AGBL4: variants seen among roughly 807,000 people sequenced by gnomAD.
AGBL4 encodes the protein AGBL carboxypeptidase 4, also known as cytosolic carboxypeptidase 6.
In AGBL4, 58 loss-of-function variants were observed where a neutral mutation model predicts 66.4. The ratio of observed to expected loss-of-function variants is 0.87; its 90% confidence interval spans 0.71 to 1.09. The LOEUF (loss-of-function observed/expected upper bound fraction) is 1.09. Among genes scored for constraint, AGBL4 ranks in the 50% least tolerant of loss-of-function variants. The pLI, the probability that AGBL4 is intolerant of heterozygous loss-of-function variation, is 0.00. For missense variants in AGBL4, 579 were observed against 631.0 expected (o/e 0.92, Z 0.88); for synonymous variants, 234 against 222.9 (o/e 1.05, Z -0.44).
At chr1:49,540,282 C>G (rs1424310688) in intron 3 of AGBL4, among the ~76,000 whole-genome samples, 1 of 152,138 alleles carries the variant, frequency 6.6e-6, no homozygotes, top group African/African-American at 2.4e-5. Flanking sequence ...TCTTCCATGA[C>G]TTTGTATATT....
intron 3 of AGBL4, among the ~76,000 whole-genome samples, chr1:49,277,109 T>C (rs114989003): frequency 8.4e-4 from 128 of 152,318 alleles, no homozygotes; most frequent in Non-Finnish European, 1.5e-3. Flanking sequence ...TTACTTTCCA[T>C]TGTAGTTTAT....
At chr1:49,683,708 T>C (rs1646738657) in intron 3 of AGBL4, among the ~76,000 whole-genome samples, 2 of 152,110 alleles carry the variant, frequency 1.3e-5, no homozygotes, top group African/African-American at 4.8e-5. Flanking sequence ...AAGTGAGAAA[T>C]ACAGAAAGGC....
At chr1:48,776,057 C>T (rs1321902112) in intron 6 of AGBL4, among the ~76,000 whole-genome samples, 3 of 152,116 alleles carry the variant, frequency 2.0e-5, no homozygotes, top group Non-Finnish European at 2.9e-5. Context: ...AATGTTGGCC[C>T]GGATGGGACA....
chr1:49,611,288 G>T (rs1645149731), intron 3 of AGBL4, among the ~76,000 whole-genome samples: 1 of 151,850 alleles, frequency 6.6e-6, no homozygotes, highest in Non-Finnish European at 1.5e-5. Context: ...AGGTGGAAAA[G>T]AGAGAAGAAT....
chr1:49,714,309 G>A (rs1442635999), intron 2 of AGBL4, among the ~76,000 whole-genome samples: 1 of 151,882 alleles, frequency 6.6e-6, no homozygotes, highest in Non-Finnish European at 1.5e-5. Context: ...CCTAAATAAT[G>A]TAGATTGTAC....
At chr1:48,904,440 G>A (rs1297846000) in intron 5 of AGBL4, among the ~76,000 whole-genome samples, 1 of 152,196 alleles carries the variant, frequency 6.6e-6, no homozygotes, top group African/African-American at 2.4e-5. Flanking sequence ...TATAAAGCGA[G>A]TAGCATGTCA....
intron 1 of AGBL4, among the ~76,000 whole-genome samples, chr1:49,900,783 C>T (rs547250335): frequency 2.0e-5 from 3 of 152,312 alleles, no homozygotes; most frequent in African/African-American, 7.2e-5. Flanking sequence ...AACATTCTAT[C>T]GCAGAGACAC....
chr1:49,244,368 AC>A (rs1445612595), intron 4 of AGBL4, among the ~76,000 whole-genome samples: 1 of 151,730 alleles, frequency 6.6e-6, no homozygotes, highest in East Asian at 1.9e-4. Flanking sequence ...GCAAAGGCCT[AC>A]CCCTTGCCCA....
chr1:49,788,915 G>A (rs750405764), intron 2 of AGBL4, among the ~76,000 whole-genome samples: 1 of 152,200 alleles, frequency 6.6e-6, no homozygotes, highest in Non-Finnish European at 1.5e-5. Context: ...TCCTTGTCTT[G>A]TGCTGGTTTT....
At chr1:48,726,567 C>A (rs903877891) in intron 6 of AGBL4, among the ~76,000 whole-genome samples, 2 of 152,190 alleles carry the variant, frequency 1.3e-5, no homozygotes, top group African/African-American at 4.8e-5. Context: ...GTTATCCACA[C>A]GGCCTATGAG....
intron 3 of AGBL4, chr1:49,268,064 CTAT>C (rs934118023): frequency 7.2e-5 from 11 of 152,174 alleles, no homozygotes; most frequent in Admixed American, 4.6e-4. Flanking sequence ...TTCTTTAAAC[CTAT>C]TATTTATTAA....
intron 4 of AGBL4, among the ~76,000 whole-genome samples, chr1:49,113,449 G>T (rs909288661): frequency 6.6e-6 from 1 of 151,714 alleles, no homozygotes; most frequent in Non-Finnish European, 1.5e-5. Flanking sequence ...GATGGGGTTT[G>T]ACCATGTTGG....
intron 3 of AGBL4, among the ~76,000 whole-genome samples, chr1:49,476,458 C>A (rs1646847178): frequency 6.6e-6 from 1 of 151,804 alleles, no homozygotes; most frequent in South Asian, 2.1e-4. Flanking sequence ...ATATTTTTTT[C>A]ATTAGTTTTC....
At chr1:49,081,039 AT>A (rs1393929949) in intron 4 of AGBL4, among the ~76,000 whole-genome samples, 1 of 152,198 alleles carries the variant, frequency 6.6e-6, no homozygotes, top group Non-Finnish European at 1.5e-5. Flanking sequence ...ACACATTCAT[AT>A]TTTCATATTA....
At chr1:49,681,612 A>G (rs1646694570) in intron 3 of AGBL4, among the ~76,000 whole-genome samples, 1 of 152,152 alleles carries the variant, frequency 6.6e-6, no homozygotes, top group Non-Finnish European at 1.5e-5. Context: ...TTTTATATAA[A>G]ATGTTCAGGG....
chr1:48,593,537 G>T (rs190837645), intron 9 of AGBL4, among the ~76,000 whole-genome samples: 123 of 152,078 alleles, frequency 8.1e-4, no homozygotes, highest in African/African-American at 2.9e-3. Flanking sequence ...AGATCACGAA[G>T]TCAGGAGTTC....
intron 5 of AGBL4, among the ~76,000 whole-genome samples, chr1:49,040,602 T>C (rs1474382623): frequency 1.3e-5 from 2 of 152,106 alleles, no homozygotes; most frequent in Non-Finnish European, 2.9e-5. Context: ...TACCTTTCAA[T>C]GGAATACTAT....
chr1:48,670,635 A>G (rs16873), intron 6 of AGBL4, among the ~76,000 whole-genome samples: 75,252 of 152,146 alleles, frequency 0.49, 19,878 homozygotes, highest in Middle Eastern at 0.65. Flanking sequence ...TCCTTGCCAT[A>G]GGGCTGGAAC....
chr1:49,464,003 T>C (rs559002002), intron 3 of AGBL4, among the ~76,000 whole-genome samples: 4 of 151,758 alleles, frequency 2.6e-5, no homozygotes, highest in South Asian at 4.2e-4. Context: ...AATAAACACA[T>C]GTTGATTAAT....
Sources: allele counts gnomAD v4.1 joint callset (sites outside exome capture counted in the v4.1 genomes callset), GRCh38; gene constraint gnomAD v4.1.1; transcripts MANE v1.5; gene names NCBI Gene and HGNC (gene_info 2026-07-23, HGNC 2026-07-21).